The following LYRM4 variants were observed in gnomAD, a reference collection of about 807,000 sequenced individuals.
LYRM4 encodes the protein LYR motif-containing protein 4.
LYRM4 carries 9 observed loss-of-function variants against 11.7 expected under a neutral mutation model. The ratio of observed to expected loss-of-function variants is 0.77; its 90% CI spans 0.46 to 1.34. The LOEUF (loss-of-function observed/expected upper bound fraction) is 1.34. Among genes scored for constraint, LYRM4 ranks in the 40% most tolerant of loss-of-function variants. The pLI, the probability that LYRM4 is intolerant of heterozygous loss-of-function variation, is 0.00. For missense variants in LYRM4, 133 were observed against 112.5 expected, an observed-to-expected ratio of 1.18 and a Z score of -0.82; for synonymous variants, 42 against 40.4, an observed-to-expected ratio of 1.04 and a Z score of -0.15.
At chr6:5,033,161 C>T in the LYRM4 span, 2 of 149,542 alleles carry the variant, frequency 1.3e-5, no homozygotes, top group Non-Finnish European at 3.0e-5. Flanking sequence ...CGTCCAAATC[C>T]CCACGCCCAG....
At chr6:5,260,467 G>T (rs1214600158) in intron 1 of LYRM4, among the ~76,000 whole-genome samples, 181 bp downstream of exon 1, 1 of 152,254 alleles carries the variant, frequency 6.6e-6, no homozygotes, top group Admixed American at 6.5e-5. Flanking sequence ...CCTCCCCGAG[G>T]TCTCAGAGGC....
chr6:5,181,080 A>C (rs1041790903), intron 2 of LYRM4, among the ~76,000 whole-genome samples: 1 of 152,222 alleles, frequency 6.6e-6, no homozygotes, highest in Admixed American at 6.5e-5. Flanking sequence ...ATTTAAGATG[A>C]ATTTTCACGC....
At chr6:5,154,712 G>A (rs181736076) in intron 2 of LYRM4, among the ~76,000 whole-genome samples, 34 of 152,256 alleles carry the variant, frequency 2.2e-4, no homozygotes, top group Middle Eastern at 6.8e-3. Context: ...CCAGCTACTC[G>A]GGAGGCTGAG....
At chr6:5,204,574 C>G (rs545993544) in intron 2 of LYRM4, among the ~76,000 whole-genome samples, 2 of 152,150 alleles carry the variant, frequency 1.3e-5, no homozygotes, top group Non-Finnish European at 1.5e-5. Context: ...ACTCACTGAG[C>G]GCTAGTCAGA....
At chr6:5,151,607 C>T (rs1311157932) in intron 2 of LYRM4, among the ~76,000 whole-genome samples, 2 of 152,168 alleles carry the variant, frequency 1.3e-5, no homozygotes, top group African/African-American at 4.8e-5. Context: ...ATTCGCCAAG[C>T]ATTTTATCAG....
At chr6:5,155,874 A>G (rs1758383287) in intron 2 of LYRM4, among the ~76,000 whole-genome samples, 3 of 152,248 alleles carry the variant, frequency 2.0e-5, no homozygotes, top group African/African-American at 4.8e-5. Context: ...AGTATTATAC[A>G]TGTTCCCTGT....
the LYRM4 span, among the ~76,000 whole-genome samples, chr6:5,067,190 T>C: frequency 2.0e-5 from 3 of 152,230 alleles, no homozygotes; most frequent in Admixed American, 6.5e-5. Context: ...TTCTAGATCC[T>C]TCCTAAGCAT....
chr6:5,151,514 C>T (rs1400470925), intron 2 of LYRM4, among the ~76,000 whole-genome samples: 1 of 152,196 alleles, frequency 6.6e-6, no homozygotes, highest in Non-Finnish European at 1.5e-5. Context: ...CAATTCCACC[C>T]ACTTCTCGGT....
intron 2 of LYRM4, among the ~76,000 whole-genome samples, chr6:5,151,690 T>C (rs1446192550): frequency 1.3e-5 from 2 of 152,218 alleles, no homozygotes; most frequent in Non-Finnish European, 2.9e-5. Flanking sequence ...CCTGGCTCAA[T>C]TTACTAGCTG....
intron 2 of LYRM4, among the ~76,000 whole-genome samples, chr6:5,153,743 G>A (rs80172137): frequency 6.6e-6 from 1 of 152,090 alleles, no homozygotes; most frequent in African/African-American, 2.4e-5. Context: ...TACGGTGCTC[G>A]ACACATAAAG....
chr6:5,260,922 C>G lies in LYRM4; in HGVS notation c.-189G>C, dbSNP rs563920869. On this transcript the variant is annotated 5_prime_UTR_variant, in exon 1 of 3. Coordinates refer to ENST00000330636, the MANE Select transcript of LYRM4 (RefSeq NM_020408.6). ...GCGGACGGCGCCAGGCGTCCCGCGC[C>G]GCTTCGGGGGCGGGCGCAGGCAGGG... 9 of 1,360,614 alleles carry G rather than the reference C, an allele frequency of 6.6e-6. No individual in the cohort carries two copies. The highest frequency in any genetic ancestry group is 8.5e-6 in the Non-Finnish European group (9 of 1,061,632). 84.3% of individuals were successfully genotyped at this position (1,360,614 alleles called of 1,614,324 possible). A position where few individuals can be genotyped will look rare whatever the true frequency, so the allele number is the denominator to read the frequency against.
At chr6:5,040,176 G>T in the LYRM4 span, among the ~76,000 whole-genome samples, 1 of 151,336 alleles carries the variant, frequency 6.6e-6, no homozygotes, top group South Asian at 2.1e-4. Flanking sequence ...AAAATTAGCT[G>T]AGCATGGTGG....
At chr6:5,058,738 G>A in the LYRM4 span, among the ~76,000 whole-genome samples, 2 of 152,136 alleles carry the variant, frequency 1.3e-5, no homozygotes, top group East Asian at 3.9e-4. Context: ...GCTTGATTCG[G>A]TTTTACAGCC....
At chr6:5,245,749 G>A (rs1255154072) in intron 1 of LYRM4, among the ~76,000 whole-genome samples, 5 of 152,206 alleles carry the variant, frequency 3.3e-5, no homozygotes, top group Admixed American at 2.6e-4. Flanking sequence ...GTGTCACTGT[G>A]GAAACGTGTA....
At chr6:5,228,564 C>T (rs966487791) in intron 1 of LYRM4, among the ~76,000 whole-genome samples, 3 of 152,048 alleles carry the variant, frequency 2.0e-5, no homozygotes, top group African/African-American at 7.2e-5. Flanking sequence ...AGGCTTGAGC[C>T]ACCATGCCCA....
chr6:5,129,926 C>T (rs1055499502), intron 2 of LYRM4, among the ~76,000 whole-genome samples: 6 of 152,120 alleles, frequency 3.9e-5, no homozygotes, highest in Admixed American at 1.3e-4. Flanking sequence ...GGGGTATGGA[C>T]GGGTGGGAAG....
chr6:5,067,531 A>T, the LYRM4 span, among the ~76,000 whole-genome samples: 370 of 152,242 alleles, frequency 2.4e-3, 2 homozygotes, highest in South Asian at 0.015. Flanking sequence ...AGCAAGGGAG[A>T]GCTGGGGGAG....
chr6:5,101,817 C>CTT (rs149979218), downstream of LYRM4, among the ~76,000 whole-genome samples: 1 of 151,660 alleles, frequency 6.6e-6, no homozygotes, highest in African/African-American at 2.4e-5. Context: ...TTCCCTCTCT[C>CTT]TTTTTTTTCA....
the LYRM4 span, among the ~76,000 whole-genome samples, chr6:5,093,047 A>G: frequency 6.6e-6 from 1 of 152,218 alleles, no homozygotes; most frequent in Non-Finnish European, 1.5e-5. Flanking sequence ...AACACACAAT[A>G]TGTTCTTTGG....
Sources: allele counts gnomAD v4.1 joint callset (sites outside exome capture counted in the v4.1 genomes callset), GRCh38; gene constraint gnomAD v4.1.1; transcripts MANE v1.5; gene names NCBI Gene and HGNC (gene_info 2026-07-23, HGNC 2026-07-21).